Variants in PLCG2 observed in about 807,000 individuals in gnomAD.
PLCG2 encodes phospholipase C gamma 2.
A neutral mutation model predicts 175.6 loss-of-function variants in PLCG2; 69 were observed. That is an observed-to-expected ratio of 0.39 (90% CI 0.32 to 0.48). PLCG2 has a LOEUF of 0.48. PLCG2 is among the 20% of genes least tolerant of loss of function. The probability of loss-of-function intolerance (pLI) is 0.91; values close to 1 mark genes in which losing one functional copy is unlikely to be tolerated. For synonymous variants in PLCG2, 827 were observed against 624.0 expected (o/e 1.33, Z -4.85); for missense variants, 1,798 against 1,650.9 (o/e 1.09, Z -1.54).
At chr16:81,748,149 G>T (rs997036872) in intron 1 of PLCG2, among the ~76,000 whole-genome samples, 1 of 152,132 alleles carries the variant, frequency 6.6e-6, no homozygotes, top group African/African-American at 2.4e-5. Flanking sequence ...TGCTGGGATT[G>T]CAAGCCTGCG....
chr16:81,852,009 C>G (rs1212529737), intron 2 of PLCG2: 1 of 56,066 alleles, frequency 1.8e-5, no homozygotes, highest in Non-Finnish European at 5.6e-5. Flanking sequence ...GATGCCTTTG[C>G]TCACCTCTGG....
At chr16:81,799,198 T>G (rs1911610001) in intron 2 of PLCG2, among the ~76,000 whole-genome samples, 1 of 152,240 alleles carries the variant, frequency 6.6e-6, no homozygotes, top group African/African-American at 2.4e-5. Context: ...TTTAACCTAC[T>G]TCTGGGTGAG....
chr16:81,873,620 G>A (rs1033600976), intron 7 of PLCG2, among the ~76,000 whole-genome samples: 15 of 152,008 alleles, frequency 9.9e-5, no homozygotes, highest in Non-Finnish European at 7.4e-5. Flanking sequence ...CAGATGTCAG[G>A]CAAAGTTTGA....
chr16:81,905,285 G>T lies in PLCG2; in HGVS notation c.1363-118G>T, dbSNP rs533676091. 176 of 689,076 alleles carry T rather than the reference G, an allele frequency of 2.6e-4. 5 individuals carry two copies. The South Asian group carries it at 2.9e-3, about 11-fold the overall frequency. The allele number at this position is 689,076 out of a possible 1,614,324, so 42.7% of individuals were successfully genotyped here. ...CTGAACAGACTAAGAGGGAAGCCAG[G>T]CAGCAAGAACAGGCAGTGCAAAGGC... On this transcript the variant is annotated intron_variant, in intron 14 of 32. Coordinates refer to ENST00000564138, the MANE Select transcript of PLCG2 (RefSeq NM_002661.5).
At chr16:81,815,718 C>T (rs568674396) in intron 2 of PLCG2, among the ~76,000 whole-genome samples, 12 of 152,188 alleles carry the variant, frequency 7.9e-5, no homozygotes, top group Non-Finnish European at 1.3e-4. Flanking sequence ...TCGATTCTCG[C>T]GGTCTTCTTG....
intron 26 of PLCG2, among the ~76,000 whole-genome samples, chr16:81,934,945 A>T (rs36023013): frequency 6.6e-6 from 1 of 152,068 alleles, no homozygotes; most frequent in East Asian, 1.9e-4. Context: ...CCATGATTCA[A>T]TTATCTCCTA....
At chr16:81,877,973 ATTTTTTTTTTT>A (rs71146052) in intron 7 of PLCG2, among the ~76,000 whole-genome samples, 9 of 55,760 alleles carry the variant, frequency 1.6e-4, no homozygotes, top group Admixed American at 3.1e-4. Context: ...TTTTTTTTTA[ATTTTTTTTTTT>A]TTTTTTTTTT....
chr16:81,867,791 G>A (rs756284909), intron 5 of PLCG2, among the ~76,000 whole-genome samples: 2 of 151,970 alleles, frequency 1.3e-5, no homozygotes, highest in East Asian at 1.9e-4. Context: ...TCCGCCTCCC[G>A]AATTCACGCC....
In PLCG2 at chr16:81,936,317, C is replaced by T. The variant is rs772244129; in HGVS notation, c.2991C>T (p.Tyr997=). Residue 997 remains tyrosine, a synonymous_variant, in exon 27 of 33, where the codon TAC becomes TAT. Coordinates refer to ENST00000564138, the MANE Select transcript of PLCG2 (RefSeq NM_002661.5). ...PKGQRVDSSN[Y]DPFRLWLCGS... is the part of the protein sequence containing the mutation. ...GACAAAGAGTTGACTCTTCAAACTA[C>T]GACCCCTTCCGCCTCTGGCTGTGCG... 4.3e-5 allele frequency: 70 copies of T among 1,614,094 alleles called. No homozygotes were observed. The highest frequency in any genetic ancestry group is 1.8e-4 in the East Asian group (8 of 44,902).
chr16:81,897,638 T>A (rs185340215), intron 13 of PLCG2, among the ~76,000 whole-genome samples: 22 of 149,192 alleles, frequency 1.5e-4, no homozygotes, highest in Admixed American at 1.4e-3. Context: ...CTCCACCTCC[T>A]GAGTTCGAGC....
At chr16:81,882,998 T>C (rs1456569795) in intron 8 of PLCG2, among the ~76,000 whole-genome samples, 3 of 152,012 alleles carry the variant, frequency 2.0e-5, no homozygotes, top group East Asian at 3.9e-4. Flanking sequence ...CCTCAGACTC[T>C]GGGGTGCACC....
chr16:81,851,795 G>A (rs1439541934), intron 2 of PLCG2, among the ~76,000 whole-genome samples: 1 of 151,348 alleles, frequency 6.6e-6, no homozygotes, highest in Non-Finnish European at 1.5e-5. Context: ...TTACAGGCGT[G>A]GGCCACCAGT....
intron 22 of PLCG2, among the ~76,000 whole-genome samples, chr16:81,924,629 C>G (rs1439532846): frequency 6.6e-6 from 1 of 152,238 alleles, no homozygotes; most frequent in Non-Finnish European, 1.5e-5. Flanking sequence ...TGTCCTCTTG[C>G]AAGATGCCTT....
intron 24 of PLCG2, among the ~76,000 whole-genome samples, chr16:81,929,903 T>C (rs1040640195): frequency 7.2e-5 from 11 of 152,234 alleles, no homozygotes; most frequent in Admixed American, 5.9e-4. Context: ...CCCATCCCTG[T>C]ATCTGCAGAG....
intron 11 of PLCG2, among the ~76,000 whole-genome samples, chr16:81,892,997 A>G (rs1173472779): frequency 6.6e-6 from 1 of 152,090 alleles, no homozygotes; most frequent in Non-Finnish European, 1.5e-5. Flanking sequence ...GGCACGAGCC[A>G]CCATGCCCTG....
At chr16:81,808,935 C>G (rs748871707) in intron 2 of PLCG2, among the ~76,000 whole-genome samples, 3 of 152,154 alleles carry the variant, frequency 2.0e-5, no homozygotes, top group Non-Finnish European at 4.4e-5. Context: ...AGTTTGTGGC[C>G]TATTGGACCT....
At chr16:81,749,427 C>A (rs1416199442) in intron 1 of PLCG2, among the ~76,000 whole-genome samples, 1 of 152,096 alleles carries the variant, frequency 6.6e-6, no homozygotes, top group Non-Finnish European at 1.5e-5. Context: ...ATCTTGGCTC[C>A]TGGCAACCTC....
At chr16:81,918,943 G>A (rs540867230) in intron 19 of PLCG2, among the ~76,000 whole-genome samples, 4 of 151,854 alleles carry the variant, frequency 2.6e-5, no homozygotes, top group Middle Eastern at 3.4e-3. Flanking sequence ...TTGAGTCACC[G>A]AAGACAAGAT....
chr16:81,921,368 C>A, intron 21 of PLCG2, 99 bp downstream of exon 21: 1 of 825,564 alleles, frequency 1.2e-6, no homozygotes, highest in Non-Finnish European at 2.1e-6. Flanking sequence ...CAAGGGAAGA[C>A]TTTGGAAAAC....
Sources: gnomAD v4.1 joint callset for allele counts (sites outside exome capture counted in the v4.1 genomes callset) on GRCh38, gnomAD v4.1.1 for gene constraint, MANE v1.5 for transcripts, NCBI Gene and HGNC (gene_info 2026-07-23, HGNC 2026-07-21) for gene names.